Variants in UGT2B11 observed in about 807,000 individuals in gnomAD.
UGT2B11 encodes the protein UDP glucuronosyltransferase family 2 member B11.
Under a neutral mutation model 51.7 loss-of-function variants are expected in UGT2B11, and 49 were observed. The ratio of observed to expected loss-of-function variants is 0.95; its 90% CI spans 0.75 to 1.20. The LOEUF (loss-of-function observed/expected upper bound fraction) is 1.20. Among genes scored for constraint, UGT2B11 ranks in the 50% most tolerant of loss-of-function variants. The pLI, the probability that UGT2B11 is intolerant of heterozygous loss-of-function variation, is 0.00. For missense variants in UGT2B11, 810 were observed against 622.1 expected (o/e 1.30, Z -3.21); for synonymous variants, 273 against 209.0 (o/e 1.31, Z -2.64).
At chr4:69,215,873 G>A (rs1027648649), upstream of UGT2B11, 14 of 151,904 alleles carry the variant, frequency 9.2e-5, no homozygotes, top group African/African-American at 3.4e-4. Flanking sequence ...TCCACATATT[G>A]GAGGGAAAAG....
upstream of UGT2B11, among the ~76,000 whole-genome samples, chr4:69,218,831 A>G (rs545567151): frequency 6.6e-6 from 1 of 152,264 alleles, no homozygotes; most frequent in African/African-American, 2.4e-5. Flanking sequence ...TAAAGGACCT[A>G]TTCACAAAAG....
intron 2 of UGT2B11, among the ~76,000 whole-genome samples, chr4:69,210,595 CTT>C (rs1219715392): frequency 6.6e-6 from 1 of 151,418 alleles, no homozygotes; most frequent in Non-Finnish European, 1.5e-5. Context: ...TTTTCTTGTC[CTT>C]TTACACCTCC....
upstream of UGT2B11, among the ~76,000 whole-genome samples, chr4:69,217,182 C>T (rs557376766): frequency 5.1e-4 from 77 of 152,180 alleles, no homozygotes; most frequent in African/African-American, 1.9e-3. Flanking sequence ...TATTTATCTT[C>T]TAAATGCCTA....
At chr4:69,210,230 T>C (rs1722010966) in intron 2 of UGT2B11, among the ~76,000 whole-genome samples, 1 of 151,680 alleles carries the variant, frequency 6.6e-6, no homozygotes, top group Admixed American at 6.6e-5. Context: ...CATTCTTTCA[T>C]ATAAGATGTT....
chr4:69,218,327 T>C (rs941174717), upstream of UGT2B11, among the ~76,000 whole-genome samples: 5 of 152,114 alleles, frequency 3.3e-5, no homozygotes, highest in African/African-American at 1.2e-4. Context: ...GAGAATCCTA[T>C]CACTATTGGT....
intron 2 of UGT2B11, among the ~76,000 whole-genome samples, chr4:69,210,250 G>C (rs900937535): frequency 7.3e-5 from 11 of 151,616 alleles, no homozygotes; most frequent in Middle Eastern, 3.4e-3. Context: ...TGGATTACTT[G>C]TAATGTTAAT....
chr4:69,205,965 CA>C (rs1404248922), intron 3 of UGT2B11, among the ~76,000 whole-genome samples: 2 of 151,458 alleles, frequency 1.3e-5, no homozygotes, highest in African/African-American at 4.8e-5. Flanking sequence ...ATTAAAAATT[CA>C]AAAAATATCA....
At chr4:69,212,429 T>A (rs1481165801) in intron 2 of UGT2B11, 144 bp downstream of exon 2, 1 of 1,394,188 alleles carries the variant, frequency 7.2e-7, no homozygotes, top group Non-Finnish European at 9.7e-7. Flanking sequence ...AACATATACA[T>A]GAGTTTCTAA....
upstream of UGT2B11, chr4:69,214,985 A>G (rs1722220964): frequency 4.6e-6 from 2 of 432,018 alleles, no homozygotes; most frequent in African/African-American, 2.0e-5. Flanking sequence ...GTTTTATGTA[A>G]CCTACTTTAT....
chr4:69,214,359 T>C lies in UGT2B11; in HGVS notation c.364A>G (p.Ile122Val), dbSNP rs1343134311. The C allele has an allele frequency of 8.7e-6, 14 of 1,612,662 alleles. No homozygotes were observed. The highest frequency in any genetic ancestry group is 1.2e-5 in the Non-Finnish European group (14 of 1,179,378). Residue 122 changes from isoleucine (I) to valine (V), a missense_variant, in exon 1 of 6, where the codon ATA (isoleucine) becomes GTA (valine). By Grantham distance (29) the Ile-to-Val change is conservative (BLOSUM62 3). Transcript: ENST00000446444. Reference sequence around the variant, plus strand: ...ACATCTTTACAGAAGTTTCTAAATATGTCATATAATTCCCACAGGATTTCT... The same window carrying C: ...ACATCTTTACAGAAGTTTCTAAATACGTCATATAATTCCCACAGGATTTCT... ...EQEILWELYD[I>V]FRNFCKDVVS...
At chr4:69,210,947 A>G (rs1722037288) in intron 2 of UGT2B11, 1 of 151,648 alleles carries the variant, frequency 6.6e-6, no homozygotes, top group Admixed American at 6.6e-5. Context: ...ATATAATCTT[A>G]TATGCTGACA....
intron 4 of UGT2B11, 114 bp from the exon 5 acceptor site, chr4:69,204,763 T>C (rs923773796): frequency 2.0e-6 from 3 of 1,517,944 alleles, no homozygotes; most frequent in Middle Eastern, 2.0e-4. Context: ...AATTTGCTAT[T>C]ACTTTTCAGA....
upstream of UGT2B11, among the ~76,000 whole-genome samples, chr4:69,219,007 G>A (rs1241498848): frequency 3.9e-5 from 6 of 152,032 alleles, no homozygotes; most frequent in Non-Finnish European, 5.9e-5. Flanking sequence ...CCTAGAAACC[G>A]CTCAGGGTAG....
In UGT2B11 at chr4:69,205,469, C is replaced by T. The variant is rs764663673; in HGVS notation, c.1090+11G>A. On this transcript the variant is annotated intron_variant, in intron 4 of 5. Coordinates refer to ENST00000446444, the MANE Select transcript of UGT2B11 (RefSeq NM_001073.3). ...ACTAATATATCCAGTATTTGTTCAC[C>T]AGAGTGTTACCTAGAAGGTCATTCT... 1.2e-5 allele frequency: 20 copies of T among 1,608,430 alleles called. No individual in the cohort carries two copies. The highest frequency in any genetic ancestry group is 1.7e-5 in the Admixed American group (1 of 59,530).
rs562090361 is a variant in UGT2B11 at position 69,200,104 on chromosome 4, T to A, written c.*336A>T. ...TTATGTAAAATGTGTGAAATATAGTTAAGCTGAGTAAATTTTTTCATGTAA... is the reference window on the plus strand; with the variant it reads ...TTATGTAAAATGTGTGAAATATAGTAAAGCTGAGTAAATTTTTTCATGTAA... On this transcript the variant is annotated 3_prime_UTR_variant, in exon 6 of 6. Transcript: ENST00000446444. 2.1e-5 allele frequency: 4 copies of A among 190,462 alleles called. No individual in the cohort carries two copies. Among genetic ancestry groups the A allele is most frequent in the African/African-American group, 9.5e-5 (4 of 42,058 alleles). 11.8% of individuals were successfully genotyped at this position (190,462 alleles called of 1,614,324 possible).
intron 5 of UGT2B11, among the ~76,000 whole-genome samples, chr4:69,202,857 T>G (rs1164344548): frequency 1.3e-5 from 2 of 151,678 alleles, no homozygotes; most frequent in Admixed American, 1.3e-4. Context: ...TATCCTTCCA[T>G]TTTCTTTGGG....
Position 69,214,224 on chromosome 4 carries a change from G to A in UGT2B11, c.499C>T (p.Arg167Trp), listed in dbSNP as rs148268917. The A allele has an allele frequency of 2.2e-5, 35 of 1,613,072 alleles. No homozygotes were observed. The Middle Eastern group carries it at 4.9e-4, about 23-fold the overall frequency. The change falls in exon 1 of 6, where the codon CGG (arginine) becomes TGG (tryptophan). Residue 167 changes from arginine to tryptophan, a missense_variant. By Grantham distance (101) the Arg-to-Trp change is moderately radical (BLOSUM62 -3). Coordinates refer to ENST00000446444, the MANE Select transcript of UGT2B11 (RefSeq NM_001073.3). ...GTAAAGCGGAGACTGTACACAAACC[G>A]TATGTTAAGTAGCGCAGCCAGCAGC... ...GELLAALLNI[R>W]FVYSLRFTPG...
rs1721816313 is a variant in UGT2B11 at position 69,205,487 on chromosome 4, G to C, written c.1083C>G (p.Asp361Glu). 5 of 1,610,316 alleles carry C rather than the reference G, an allele frequency of 3.1e-6. No individual in the cohort carries two copies. In the East Asian group the frequency reaches 1.1e-4, roughly 36 times the overall value. Residue 361 changes from aspartate to glutamate, a missense_variant, in exon 4 of 6, where the codon GAC becomes GAG. Asp to Glu is a conservative substitution (Grantham distance 45). Transcript: ENST00000446444. ...TGTTCACCAGAGTGTTACCTAGAAG[G>C]TCATTCTGGGGTATCCACTTGTACA... ...TRLYKWIPQN[D>E]LLGHPKTRAF...
At chr4:69,208,215 A>G in intron 3 of UGT2B11, 136 bp downstream of exon 3, 1 of 1,497,282 alleles carries the variant, frequency 6.7e-7, no homozygotes, top group Non-Finnish European at 9.0e-7. Flanking sequence ...GTGTTGGTGG[A>G]AGCAACATAA....
Sources: gnomAD v4.1 joint callset for allele counts (sites outside exome capture counted in the v4.1 genomes callset) on GRCh38, gnomAD v4.1.1 for gene constraint, MANE v1.5 for transcripts, NCBI Gene and HGNC (gene_info 2026-07-23, HGNC 2026-07-21) for gene names.